The following JAK1 variants were observed in gnomAD, a reference collection of about 807,000 sequenced individuals.
JAK1 encodes Janus kinase 1.
JAK1 carries 16 observed loss-of-function variants against 136.6 expected under a neutral mutation model. The ratio of observed to expected loss-of-function variants is 0.12; its 90% CI spans 0.08 to 0.18. The LOEUF (loss-of-function observed/expected upper bound fraction) is 0.18. Among genes scored for constraint, JAK1 ranks in the 10% least tolerant of loss-of-function variants. The probability of loss-of-function intolerance (pLI) is 1.00; values close to 1 mark genes in which losing one functional copy is unlikely to be tolerated. For synonymous variants in JAK1, 492 were observed against 519.5 expected (o/e 0.95, Z 0.72); for missense variants, 859 against 1,450.1 (o/e 0.59, Z 6.62).
chr1:64,965,458 T>A (rs1299290893), intron 1 of JAK1, among the ~76,000 whole-genome samples: 1 of 152,152 alleles, frequency 6.6e-6, no homozygotes, highest in Non-Finnish European at 1.5e-5. Flanking sequence ...TCGCATCTTT[T>A]ATCTAGAAGT....
At chr1:64,864,732 C>T (rs2101101241) in intron 8 of JAK1, 55 bp downstream of exon 8, 1 of 1,331,438 alleles carries the variant, frequency 7.5e-7, no homozygotes, top group Admixed American at 1.9e-5. Context: ...CGGAACTCAG[C>T]AATTCTCCCT....
chr1:64,925,338 G>A (rs1338388113), intron 1 of JAK1, among the ~76,000 whole-genome samples: 2 of 151,960 alleles, frequency 1.3e-5, no homozygotes, highest in African/African-American at 4.8e-5. Context: ...AACCCAGGAA[G>A]TGAGCCAAGA....
intron 22 of JAK1, among the ~76,000 whole-genome samples, chr1:64,837,205 G>A (rs1654540071): frequency 6.6e-6 from 1 of 152,132 alleles, no homozygotes; most frequent in African/African-American, 2.4e-5. Flanking sequence ...CGGCCTACTT[G>A]TTCACCATAT....
At chr1:64,882,560 T>C (rs1475534115) in intron 3 of JAK1, among the ~76,000 whole-genome samples, 1 of 152,214 alleles carries the variant, frequency 6.6e-6, no homozygotes, top group Admixed American at 6.5e-5. Flanking sequence ...TTTAACTTAA[T>C]TTCTATGATT....
chr1:64,911,019 C>T (rs1645275638), intron 1 of JAK1, among the ~76,000 whole-genome samples: 1 of 151,260 alleles, frequency 6.6e-6, no homozygotes, highest in East Asian at 1.9e-4. Flanking sequence ...GATGCACCAA[C>T]CAAAATGGGC....
At chr1:64,888,105 C>T (rs138565338) in intron 1 of JAK1, among the ~76,000 whole-genome samples, 229 of 152,296 alleles carry the variant, frequency 1.5e-3, no homozygotes, top group Middle Eastern at 0.01. Context: ...ACTGTAAGTT[C>T]CACCAGGCCC....
intron 7 of JAK1, among the ~76,000 whole-genome samples, chr1:64,866,037 G>A (rs1198259313): frequency 6.6e-6 from 1 of 152,178 alleles, no homozygotes; most frequent in African/African-American, 2.4e-5. Context: ...TGGGGTTACA[G>A]GTGTGAGCCA....
chr1:64,909,280 C>T (rs1283314414), intron 1 of JAK1, among the ~76,000 whole-genome samples: 1 of 152,086 alleles, frequency 6.6e-6, no homozygotes, highest in African/African-American at 2.4e-5. Flanking sequence ...GGCACGTGCA[C>T]CCCATCTGGG....
At chr1:64,956,512 A>T (rs946348197) in intron 1 of JAK1, among the ~76,000 whole-genome samples, 27 of 152,358 alleles carry the variant, frequency 1.8e-4, no homozygotes, top group African/African-American at 6.3e-4. Context: ...TCAGACCAGG[A>T]GCCCTTCTCC....
intron 2 of JAK1, chr1:64,985,657 G>A (rs1569822766): frequency 1.4e-6 from 1 of 736,618 alleles, no homozygotes; most frequent in Non-Finnish European, 2.4e-6. Flanking sequence ...AGGCCAATAG[G>A]TGAGATGTCT....
intron 2 of JAK1, among the ~76,000 whole-genome samples, chr1:65,006,610 T>C (rs1282315920): frequency 6.6e-6 from 1 of 152,196 alleles, no homozygotes; most frequent in African/African-American, 2.4e-5. Context: ...CCCAAAGCAC[T>C]GGGATTACAG....
At chr1:65,028,589 A>G (rs1646997894) in intron 2 of JAK1, among the ~76,000 whole-genome samples, 1 of 152,216 alleles carries the variant, frequency 6.6e-6, no homozygotes. Flanking sequence ...CAAACTTCTT[A>G]TCTAAGAAGA....
intron 2 of JAK1, among the ~76,000 whole-genome samples, chr1:65,017,814 TCTGC>T (rs1299189983): frequency 6.6e-6 from 1 of 151,296 alleles, no homozygotes; most frequent in Admixed American, 6.6e-5. Context: ...AATTGTGAAC[TCTGC>T]CTTTTTTTTT....
chr1:64,894,771 C>T (rs774846918), intron 1 of JAK1, among the ~76,000 whole-genome samples: 18 of 151,758 alleles, frequency 1.2e-4, no homozygotes, highest in Non-Finnish European at 2.4e-4. Context: ...AGCAAGACTA[C>T]GTCTCAAAAA....
intron 1 of JAK1, among the ~76,000 whole-genome samples, chr1:64,944,962 G>A (rs547151429): frequency 6.6e-6 from 1 of 152,120 alleles, no homozygotes; most frequent in South Asian, 2.1e-4. Flanking sequence ...ATTCTCCCCC[G>A]AGAAGCACTT....
chr1:65,045,314 AG>A (rs1647174605), intron 1 of JAK1, among the ~76,000 whole-genome samples: 1 of 143,230 alleles, frequency 7.0e-6, no homozygotes, highest in African/African-American at 2.7e-5. Context: ...AATTTAGTGA[AG>A]GGTTTTTTTT....
intron 2 of JAK1, among the ~76,000 whole-genome samples, chr1:65,005,903 T>G (rs1378753267): frequency 6.6e-6 from 1 of 152,096 alleles, no homozygotes; most frequent in Non-Finnish European, 1.5e-5. Flanking sequence ...AAGAATAAGT[T>G]GCCATTCCAG....
At chr1:64,934,886 G>A (rs1033860282) in intron 1 of JAK1, among the ~76,000 whole-genome samples, 2 of 152,150 alleles carry the variant, frequency 1.3e-5, no homozygotes, top group African/African-American at 2.4e-5. Flanking sequence ...AACATAGTAA[G>A]TGCTCATCAG....
intron 2 of JAK1, among the ~76,000 whole-genome samples, chr1:64,975,931 G>A (rs371703226): frequency 2.6e-5 from 4 of 152,168 alleles, no homozygotes; most frequent in Admixed American, 1.3e-4. Context: ...GTGCCCTGGT[G>A]GCAGCAGTAA....
Sources: allele counts gnomAD v4.1 joint callset (sites outside exome capture counted in the v4.1 genomes callset), GRCh38; gene constraint gnomAD v4.1.1; transcripts MANE v1.5; gene names NCBI Gene and HGNC (gene_info 2026-07-23, HGNC 2026-07-21).